The following ADAMTS6 variants were observed in gnomAD, a reference collection of about 807,000 sequenced individuals.
The protein encoded by ADAMTS6 is ADAM metallopeptidase with thrombospondin type 1 motif 6.
In ADAMTS6, 23 loss-of-function variants were observed where a neutral mutation model predicts 144.3. The observed-to-expected ratio is 0.16, with a 90% CI of 0.11 to 0.23. ADAMTS6 has a LOEUF of 0.23. Ranked by LOEUF, ADAMTS6 falls within the 10% of genes least tolerant of loss-of-function variation. The probability of loss-of-function intolerance (pLI) is 1.00; values close to 1 mark genes in which losing one functional copy is unlikely to be tolerated. For missense variants in ADAMTS6, 999 were observed against 1,379.6 expected, an observed-to-expected ratio of 0.72 and a Z score of 4.37; for synonymous variants, 444 against 457.5, an observed-to-expected ratio of 0.97 and a Z score of 0.38.
chr5:65,427,821 A>G (rs1756672275), intron 7 of ADAMTS6, among the ~76,000 whole-genome samples: 2 of 152,036 alleles, frequency 1.3e-5, no homozygotes, highest in South Asian at 4.1e-4. Context: ...CAAAAATGCC[A>G]GTATGACTCA....
Position 65,375,208 on chromosome 5 carries a change from T to C in ADAMTS6, c.1074-41123A>G, listed in dbSNP as rs188000760. On this transcript the variant is annotated intron_variant, in intron 7 of 24. Coordinates refer to ENST00000381055, the MANE Select transcript of ADAMTS6 (RefSeq NM_197941.4). Reference sequence around the variant, plus strand: ...TCAGGACATAGGCATGGGCAAAGGCTTCATGTCTAAAACACCAAAAGGAAT... The same window carrying C: ...TCAGGACATAGGCATGGGCAAAGGCCTCATGTCTAAAACACCAAAAGGAAT... Among the ~76,000 whole-genome samples, 33 of 152,292 alleles carry C rather than the reference T, an allele frequency of 2.2e-4. No homozygotes were observed. In the East Asian group the frequency reaches 4.8e-3, roughly 22 times the overall value.
intron 7 of ADAMTS6, among the ~76,000 whole-genome samples, chr5:65,349,910 C>A (rs1748694501): frequency 6.6e-6 from 1 of 151,422 alleles, no homozygotes; most frequent in Non-Finnish European, 1.5e-5. Flanking sequence ...TTTAATGGAG[C>A]AGCACACTAC....
intron 3 of ADAMTS6, among the ~76,000 whole-genome samples, chr5:65,461,393 T>G (rs924783401): frequency 3.3e-5 from 5 of 152,264 alleles, no homozygotes; most frequent in African/African-American, 1.2e-4. Context: ...TCGTATCAGT[T>G]AAAACCATAG....
intron 9 of ADAMTS6, among the ~76,000 whole-genome samples, chr5:65,326,273 A>C (rs976606544): frequency 2.0e-5 from 3 of 152,178 alleles, no homozygotes; most frequent in Admixed American, 6.5e-5. Flanking sequence ...AATTTTTAAA[A>C]TCTTTCAAAG....
chr5:65,460,453 C>G, intron 3 of ADAMTS6, 115 bp from the exon 4 acceptor site: 1 of 926,254 alleles, frequency 1.1e-6, no homozygotes, highest in Non-Finnish European at 1.6e-6. Flanking sequence ...GGTTAAAACA[C>G]GTTAATAAAA....
At chr5:65,364,836 G>A (rs980950943) in intron 7 of ADAMTS6, among the ~76,000 whole-genome samples, 3 of 152,026 alleles carry the variant, frequency 2.0e-5, no homozygotes, top group Admixed American at 6.5e-5. Flanking sequence ...AAAGTGCTGG[G>A]ATTACAGGCT....
intron 3 of ADAMTS6, 67 bp from the exon 4 acceptor site, chr5:65,460,405 C>A: frequency 2.3e-5 from 33 of 1,422,260 alleles, no homozygotes; most frequent in Non-Finnish European, 3.1e-5. Context: ...TCATTATTAC[C>A]AAGAGCTAAA....
intron 20 of ADAMTS6, among the ~76,000 whole-genome samples, chr5:65,203,266 G>A (rs1561276183): frequency 6.6e-6 from 1 of 152,204 alleles, no homozygotes; most frequent in Non-Finnish European, 1.5e-5. Flanking sequence ...GCTCACACCT[G>A]TAATCTCAGC....
chr5:65,316,506 T>C (rs1382019800), intron 9 of ADAMTS6, among the ~76,000 whole-genome samples: 1 of 152,144 alleles, frequency 6.6e-6, no homozygotes, highest in African/African-American at 2.4e-5. Context: ...ACATTGTATA[T>C]ATAAGTGAAA....
chr5:65,202,932 A>T (rs1007070054), intron 20 of ADAMTS6, among the ~76,000 whole-genome samples: 5 of 152,240 alleles, frequency 3.3e-5, no homozygotes, highest in African/African-American at 1.2e-4. Flanking sequence ...CTTCTTCCAG[A>T]TCCAAACTTC....
intron 7 of ADAMTS6, among the ~76,000 whole-genome samples, chr5:65,407,148 C>T (rs1318217757): frequency 6.6e-6 from 1 of 152,070 alleles, no homozygotes; most frequent in African/African-American, 2.4e-5. Flanking sequence ...CACAAAGATA[C>T]TCCTTAAGAA....
chr5:65,349,011 T>C (rs74486153), intron 7 of ADAMTS6, among the ~76,000 whole-genome samples: 7,586 of 152,204 alleles, frequency 0.05, 647 homozygotes, highest in African/African-American at 0.17. Context: ...TTTACTACAG[T>C]ATTATTTTAG....
chr5:65,249,542 C>G lies in ADAMTS6; in HGVS notation c.1831-7336G>C, dbSNP rs118140402. 8.2e-4 allele frequency among the ~76,000 whole-genome samples: 125 copies of G among 152,278 alleles called. 3 individuals are homozygous for G. The East Asian group carries it at 0.021, about 25-fold the overall frequency. On this transcript the variant is annotated intron_variant, in intron 14 of 24. Coordinates refer to ENST00000381055, the MANE Select transcript of ADAMTS6 (RefSeq NM_197941.4). Reference sequence around the variant, plus strand: ...AGCATCGTTTCCTTTCTTTCCTGTTCTAAAGCCTTTTAAATAAACTAAATA... The same window carrying G: ...AGCATCGTTTCCTTTCTTTCCTGTTGTAAAGCCTTTTAAATAAACTAAATA...
At chr5:65,462,983 G>A (rs1356598027) in intron 3 of ADAMTS6, among the ~76,000 whole-genome samples, 1 of 151,874 alleles carries the variant, frequency 6.6e-6, no homozygotes, top group Non-Finnish European at 1.5e-5. Flanking sequence ...GGGAGGCTGA[G>A]GAAGGAGAAT....
chr5:65,163,582 GA>G (rs1344913047), intron 24 of ADAMTS6, among the ~76,000 whole-genome samples: 1 of 152,182 alleles, frequency 6.6e-6, no homozygotes, highest in Non-Finnish European at 1.5e-5. Flanking sequence ...TTATTTTTAA[GA>G]ATCCTTTGAA....
intron 7 of ADAMTS6, among the ~76,000 whole-genome samples, chr5:65,404,548 A>T (rs1334384187): frequency 3.3e-5 from 5 of 152,274 alleles, no homozygotes; most frequent in East Asian, 1.9e-4. Context: ...TCTATCATTG[A>T]TGGACATTTG....
intron 23 of ADAMTS6, among the ~76,000 whole-genome samples, chr5:65,172,423 A>T (rs1753692071): frequency 6.6e-6 from 1 of 151,908 alleles, no homozygotes; most frequent in African/African-American, 2.4e-5. Context: ...CAAAAGAAAA[A>T]AAAAAAAGAG....
In ADAMTS6 at chr5:65,460,268, T is replaced by A. The variant is rs542366374; in HGVS notation, c.533A>T (p.Lys178Met). 62 of 1,614,110 alleles carry A rather than the reference T, an allele frequency of 3.8e-5. 1 individual carries two copies. The South Asian group carries it at 5.3e-4, about 14-fold the overall frequency. ...EPLKNTTEDS[K>M]HFSYENGHPH... ...GTGGCCATTTTCATAACTAAAATGCTTGGAATCCTCTGTGGTATTCTTTAA... is the reference window on the plus strand; with the variant it reads ...GTGGCCATTTTCATAACTAAAATGCATGGAATCCTCTGTGGTATTCTTTAA... Residue 178 changes from lysine (K) to methionine (M), a missense_variant, in exon 4 of 25, where the codon AAG becomes ATG. Coordinates refer to ENST00000381055, the MANE Select transcript of ADAMTS6 (RefSeq NM_197941.4).
intron 1 of ADAMTS6, among the ~76,000 whole-genome samples, chr5:65,480,841 C>T (rs986620227): frequency 6.6e-6 from 1 of 152,160 alleles, no homozygotes; most frequent in African/African-American, 2.4e-5. Flanking sequence ...TGTCCTAGAG[C>T]ATCGGGGCTA....
Sources: gnomAD v4.1 joint callset for allele counts (sites outside exome capture counted in the v4.1 genomes callset) on GRCh38, gnomAD v4.1.1 for gene constraint, MANE v1.5 for transcripts, NCBI Gene and HGNC (gene_info 2026-07-23, HGNC 2026-07-21) for gene names.